The following GTF2IRD1 variants were observed in gnomAD, a reference collection of about 807,000 sequenced individuals.
GTF2IRD1 encodes the protein general transcription factor II-I repeat domain-containing protein 1.
GTF2IRD1 carries 26 observed loss-of-function variants against 113.2 expected under a neutral mutation model. The observed-to-expected ratio is 0.23, with a 90% CI of 0.17 to 0.32. The LOEUF (loss-of-function observed/expected upper bound fraction) is 0.32, where lower values mean the gene tolerates loss of function less well. Among genes scored for constraint, GTF2IRD1 ranks in the 10% least tolerant of loss-of-function variants. The probability of loss-of-function intolerance (pLI) is 1.00; values close to 1 mark genes in which losing one functional copy is unlikely to be tolerated. For synonymous variants in GTF2IRD1, 484 were observed against 529.1 expected (o/e 0.91, Z 1.17); for missense variants, 864 against 1,280.8 (o/e 0.67, Z 4.97).
At chr7:74,568,238 G>T (rs1800445187) in intron 22 of GTF2IRD1, among the ~76,000 whole-genome samples, 1 of 150,136 alleles carries the variant, frequency 6.7e-6, no homozygotes, top group East Asian at 2.0e-4. Context: ...GGGTGTGGTG[G>T]CTCACGCCTG....
rs1800802653 is a variant in GTF2IRD1 at position 74,573,273 on chromosome 7, A to G, written c.2320+13618A>G. Among the ~76,000 whole-genome samples the G allele has an allele frequency of 2.6e-5, 4 of 151,818 alleles. No individual in the cohort carries two copies. In the South Asian group the frequency reaches 8.3e-4, roughly 32 times the overall value. On this transcript the variant is annotated intron_variant, in intron 22 of 26. Coordinates refer to ENST00000424337, the MANE Select transcript of GTF2IRD1 (RefSeq NM_005685.4). ...AAAAATGAGCCAGGCATGAGGGCAC[A>G]TGCCTGTAGTCCCAGCTACTCAGGA...
intron 1 of GTF2IRD1, among the ~76,000 whole-genome samples, chr7:74,482,689 A>G (rs554803634): frequency 4.1e-4 from 62 of 152,162 alleles, no homozygotes; most frequent in African/African-American, 1.3e-3. Flanking sequence ...TCCCTGACCC[A>G]CCACGATAAC....
At chr7:74,545,661 C>A in intron 15 of GTF2IRD1, 83 bp from the exon 16 acceptor site, 1 of 1,012,672 alleles carries the variant, frequency 9.9e-7, no homozygotes, top group Non-Finnish European at 1.6e-6. Flanking sequence ...CACCACAGGG[C>A]CAATGTTGGT....
intron 1 of GTF2IRD1, among the ~76,000 whole-genome samples, chr7:74,465,793 A>G (rs2116945365): frequency 6.6e-6 from 1 of 152,172 alleles, no homozygotes; most frequent in East Asian, 1.9e-4. Flanking sequence ...TTTTTGAGAC[A>G]GAGTCTTCCT....
chr7:74,570,151 C>T (rs1162158102), intron 22 of GTF2IRD1, among the ~76,000 whole-genome samples: 3 of 152,006 alleles, frequency 2.0e-5, no homozygotes, highest in South Asian at 2.1e-4. Flanking sequence ...CACCTGAGGT[C>T]GGGAGTTCGA....
chr7:74,462,252 C>G (rs1554329504), intron 1 of GTF2IRD1, among the ~76,000 whole-genome samples: 1 of 151,980 alleles, frequency 6.6e-6, no homozygotes, highest in Non-Finnish European at 1.5e-5. Flanking sequence ...GCCTGTAGCC[C>G]CAGCTACTTG....
chr7:74,545,928 G>A, intron 16 of GTF2IRD1, 119 bp downstream of exon 16: 1 of 762,834 alleles, frequency 1.3e-6, no homozygotes, highest in South Asian at 1.5e-5. Context: ...TCTCTGGGCA[G>A]GGACAAGGGA....
chr7:74,545,265 C>G (rs1798855544), intron 15 of GTF2IRD1, among the ~76,000 whole-genome samples: 1 of 152,026 alleles, frequency 6.6e-6, no homozygotes, highest in Admixed American at 6.6e-5. Context: ...GAGGGTGGGT[C>G]TGTTTCATCT....
intron 17 of GTF2IRD1, among the ~76,000 whole-genome samples, chr7:74,547,755 CTTTTTTTTTTTTT>C (rs587743253): frequency 1.8e-5 from 2 of 114,256 alleles, no homozygotes; most frequent in Non-Finnish European, 3.6e-5. Flanking sequence ...TTCTCTCTCT[CTTTTTTTTTTTTT>C]TTTTTTTTTG....
intron 22 of GTF2IRD1, among the ~76,000 whole-genome samples, chr7:74,571,508 C>T (rs181140752): frequency 6.6e-6 from 1 of 152,334 alleles, no homozygotes; most frequent in East Asian, 1.9e-4. Flanking sequence ...CTAGGACATC[C>T]CCACATCGTC....
At chr7:74,466,825 G>A (rs1056111042) in intron 1 of GTF2IRD1, among the ~76,000 whole-genome samples, 4 of 151,986 alleles carry the variant, frequency 2.6e-5, no homozygotes, top group Admixed American at 1.3e-4. Flanking sequence ...GTTGTCCTCC[G>A]CATCCCTGAC....
At chr7:74,569,293 C>G (rs1288993962) in intron 22 of GTF2IRD1, among the ~76,000 whole-genome samples, 2 of 152,246 alleles carry the variant, frequency 1.3e-5, no homozygotes, top group African/African-American at 4.8e-5. Context: ...TTTTCACACA[C>G]AGCCTCTTAG....
rs61694825 is a variant in GTF2IRD1 at position 74,468,676 on chromosome 7, CTGTGTGTG to C, written c.-7+14540_-7+14547del. ...ACTCCATCTCCAAAAAAAAAAAAAA[CTGTGTGTG>C]TGTGTGTGTGTGTGTGTGTGTGTGT... On this transcript the variant is annotated intron_variant, in intron 1 of 26. Transcript: ENST00000424337. Among the ~76,000 whole-genome samples, 453 of 129,414 alleles carry C rather than the reference CTGTGTGTG, an allele frequency of 3.5e-3. 4 individuals carry two copies. Among genetic ancestry groups the C allele is most frequent in the South Asian group, 0.016 (63 of 3,916 alleles). 84.9% of individuals were successfully genotyped at this position (129,414 alleles called of 152,430 possible).
At chr7:74,597,356 T>C (rs1453499605) in intron 25 of GTF2IRD1, among the ~76,000 whole-genome samples, 1 of 150,322 alleles carries the variant, frequency 6.7e-6, no homozygotes, top group Non-Finnish European at 1.5e-5. Flanking sequence ...TTTTTTTTTT[T>C]TTTCTTTCAA....
chr7:74,488,675 T>C (rs976864537), intron 1 of GTF2IRD1, among the ~76,000 whole-genome samples: 2 of 151,970 alleles, frequency 1.3e-5, no homozygotes, highest in Admixed American at 1.3e-4. Flanking sequence ...GGAGGATTGC[T>C]TGAGTCTAGG....
chr7:74,457,870 CGTTTTT>C (rs1422524251), intron 1 of GTF2IRD1, among the ~76,000 whole-genome samples: 3 of 147,754 alleles, frequency 2.0e-5, no homozygotes, highest in East Asian at 3.9e-4. Context: ...TGCTGAGTTA[CGTTTTT>C]GTTTTTTTTT....
At chr7:74,458,453 T>G (rs1793141056) in intron 1 of GTF2IRD1, among the ~76,000 whole-genome samples, 1 of 151,802 alleles carries the variant, frequency 6.6e-6, no homozygotes, top group African/African-American at 2.4e-5. Flanking sequence ...CTCAGCCCCA[T>G]CTCATAGAAA....
At chr7:74,542,602 T>C (rs1215987856) in intron 14 of GTF2IRD1, among the ~76,000 whole-genome samples, 2 of 152,244 alleles carry the variant, frequency 1.3e-5, no homozygotes, top group African/African-American at 4.8e-5. Flanking sequence ...GCACTTCTAA[T>C]ACTTTGGTAA....
rs1475273655 is a variant in GTF2IRD1 at position 74,557,664 on chromosome 7, G to A, written c.2049G>A (p.Arg683=). The A allele has an allele frequency of 6.2e-7, 1 of 1,613,690 alleles. No homozygotes were observed. The highest frequency in any genetic ancestry group is 1.3e-5 in the African/African-American group (1 of 75,034). The change falls in exon 20 of 27, where the codon CGG becomes CGA. Residue 683 remains arginine, a synonymous_variant. Transcript: ENST00000424337. ...AAAATTATGACGCGAGGCTCTCACG[G>A]ATCGACATCGCCAACACACTAAGGG... ...FQENYDARLS[R]IDIANTLREQ...
Sources: gnomAD v4.1 joint callset for allele counts (sites outside exome capture counted in the v4.1 genomes callset) on GRCh38, gnomAD v4.1.1 for gene constraint, MANE v1.5 for transcripts, NCBI Gene and HGNC (gene_info 2026-07-23, HGNC 2026-07-21) for gene names.